The following MAFK variants were observed in gnomAD, a reference collection of about 807,000 sequenced individuals.
The protein encoded by MAFK is transcription factor MafK.
In MAFK, 1 loss-of-function variant was observed where a neutral mutation model predicts 9.2. That is an observed-to-expected ratio of 0.11 (90% CI 0.04 to 0.52). The LOEUF is 0.52. MAFK is among the 20% of genes least tolerant of loss of function. The pLI is 0.94. For synonymous variants in MAFK, 110 were observed against 107.4 expected, an observed-to-expected ratio of 1.02 and a Z score of -0.15; for missense variants, 207 against 236.0, an observed-to-expected ratio of 0.88 and a Z score of 0.81.
At chr7:1,538,369 A>G (rs1784089157) in intron 1 of MAFK, 1 of 984,306 alleles carries the variant, frequency 1.0e-6, no homozygotes, top group Middle Eastern at 5.2e-4. Flanking sequence ...CCCCTCAGGA[A>G]CCCCACACCC....
intron 2 of MAFK, among the ~76,000 whole-genome samples, 188 bp downstream of exon 2, chr7:1,539,416 T>G (rs1036287063): frequency 1.7e-4 from 26 of 152,122 alleles, no homozygotes; most frequent in African/African-American, 6.0e-4. Context: ...GGGACTGTGG[T>G]TCCAGGCGAT....
rs935314452 is a variant in MAFK at position 1,540,790 on chromosome 7, G to T, written c.*415G>T. 7.2e-5 allele frequency: 13 copies of T among 180,022 alleles called. No individual in the cohort carries two copies. The highest frequency in any genetic ancestry group is 2.3e-5 in the Non-Finnish European group (2 of 87,026). 11.2% of individuals were successfully genotyped at this position (180,022 alleles called of 1,614,324 possible). On this transcript the variant is annotated 3_prime_UTR_variant, in exon 3 of 3. Transcript: ENST00000343242. ...GGCTTGTTTTCCACTCCTGCTGTAAGCAGCCTTCGACACCTGTCCTGCCAC... is the reference window on the plus strand; with the variant it reads ...GGCTTGTTTTCCACTCCTGCTGTAATCAGCCTTCGACACCTGTCCTGCCAC...
chr7:1,538,407 G>T (rs1367604871), intron 1 of MAFK: 48 of 985,378 alleles, frequency 4.9e-5, no homozygotes, highest in Non-Finnish European at 5.7e-5. Flanking sequence ...CTCGCTCGGG[G>T]GCAGCTTAGG....
In MAFK at chr7:1,540,723, A is replaced by G. The variant is rs1415171473; in HGVS notation, c.*348A>G. ...TCCTCTGTGGGGGCTGCCGGAAGACACGGCCCCAGGAGTCAGGCCCCTGTG... is the reference window on the plus strand; with the variant it reads ...TCCTCTGTGGGGGCTGCCGGAAGACGCGGCCCCAGGAGTCAGGCCCCTGTG... On this transcript the variant is annotated 3_prime_UTR_variant, in exon 3 of 3. Coordinates refer to ENST00000343242, the MANE Select transcript of MAFK (RefSeq NM_002360.4). The G allele has an allele frequency of 3.6e-6, 1 of 279,944 alleles. No homozygotes were observed. The highest frequency in any genetic ancestry group is 2.3e-5 in the African/African-American group (1 of 43,956). 17.3% of individuals were successfully genotyped at this position (279,944 alleles called of 1,614,324 possible). A position where few individuals can be genotyped will look rare whatever the true frequency, so the allele number is the denominator to read the frequency against.
chr7:1,540,681 C>T lies in MAFK; in HGVS notation c.*306C>T, dbSNP rs1001266863. 28 of 380,752 alleles carry T rather than the reference C, an allele frequency of 7.4e-5. No homozygotes were observed. Among genetic ancestry groups the T allele is most frequent in the Non-Finnish European group, 9.5e-6 (2 of 210,420 alleles). 23.6% of individuals were successfully genotyped at this position (380,752 alleles called of 1,614,324 possible). A position where few individuals can be genotyped will look rare whatever the true frequency, so the allele number is the denominator to read the frequency against. On this transcript the variant is annotated 3_prime_UTR_variant, in exon 3 of 3. Transcript: ENST00000343242. Reference sequence around the variant, plus strand: ...GAGTCGGGACATATAATGGAAAGGCCCTCGGGAAGTTCCGCGTCCTCTGTG... The same window carrying T: ...GAGTCGGGACATATAATGGAAAGGCTCTCGGGAAGTTCCGCGTCCTCTGTG...
intron 1 of MAFK, among the ~76,000 whole-genome samples, chr7:1,536,874 CAG>C (rs1463276222): frequency 1.3e-5 from 2 of 152,330 alleles, no homozygotes; most frequent in Non-Finnish European, 2.9e-5. Flanking sequence ...CTCGGCAGAG[CAG>C]AGTCGTGACC....
At chr7:1,531,035 C>T (rs2128550393) in intron 1 of MAFK, 137 bp downstream of exon 1, 1 of 147,310 alleles carries the variant, frequency 6.8e-6, no homozygotes, top group African/African-American at 2.4e-5. Context: ...TGCGCGGGGC[C>T]CGAGACCCTC....
chr7:1,537,112 A>G (rs944948604), intron 1 of MAFK, among the ~76,000 whole-genome samples: 6 of 152,344 alleles, frequency 3.9e-5, no homozygotes, highest in Admixed American at 3.3e-4. Flanking sequence ...GTGCCTCCGC[A>G]GTGTCACAGG....
chr7:1,533,951 AG>A, intron 1 of MAFK: 1 of 287,606 alleles, frequency 3.5e-6, no homozygotes. Flanking sequence ...CGGGGACTGG[AG>A]GGGGTGTGGT....
rs1402358097 is a variant in MAFK at position 1,534,712 on chromosome 7, G to A, written c.-45+3814G>A. On this transcript the variant is annotated intron_variant, in intron 1 of 2. Transcript: ENST00000343242. The surrounding 1 kb of genome is among the most constrained non-coding windows in gnomAD (Gnocchi z 4.3). ...GTCTGTGTCATCATTCACCCCTTGG[G>A]CAAGAACAAGTGACCCATCCAGAGC... is the stretch of plus-strand genomic sequence containing the variant. 1 of 450,232 alleles carries A rather than the reference G, an allele frequency of 2.2e-6. No homozygotes were observed. 27.9% of individuals were successfully genotyped at this position (450,232 alleles called of 1,614,324 possible). A position where few individuals can be genotyped will look rare whatever the true frequency, so the allele number is the denominator to read the frequency against.
chr7:1,536,512 G>A (rs1173699323), intron 1 of MAFK, among the ~76,000 whole-genome samples: 1 of 152,184 alleles, frequency 6.6e-6, no homozygotes, highest in Admixed American at 6.5e-5. Flanking sequence ...GCCCTGGGGT[G>A]GGAGCGCTTT....
rs1340152577 is a variant in MAFK at position 1,532,708 on chromosome 7, G to A, written c.-45+1810G>A. On this transcript the variant is annotated intron_variant, in intron 1 of 2. Transcript: ENST00000343242. The surrounding 1 kb of genome is among the most constrained non-coding windows in gnomAD (Gnocchi z 4.5). Reference sequence around the variant, plus strand: ...CTACAAGGCGTGTGCTTTCACCCACGGGGCTCAGCGATGGCTGCGTTTGTT... The same window carrying A: ...CTACAAGGCGTGTGCTTTCACCCACAGGGCTCAGCGATGGCTGCGTTTGTT... Among the ~76,000 whole-genome samples, 1 of 152,218 alleles carries A rather than the reference G, an allele frequency of 6.6e-6. No homozygotes were observed. The highest frequency in any genetic ancestry group is 1.9e-4 in the East Asian group (1 of 5,194).
chr7:1,536,274 G>A (rs1370508657), intron 1 of MAFK, among the ~76,000 whole-genome samples: 2 of 152,174 alleles, frequency 1.3e-5, no homozygotes, highest in African/African-American at 2.4e-5. Context: ...AGAGGAGCTC[G>A]GGGTGTCGGG....
chr7:1,537,715 T>G (rs1583200445), intron 1 of MAFK: 1 of 985,084 alleles, frequency 1.0e-6, no homozygotes, highest in East Asian at 1.1e-4. Context: ...GGCCCTCTTG[T>G]TGTGGGGGTT....
At chr7:1,536,202 C>T (rs559664080) in intron 1 of MAFK, among the ~76,000 whole-genome samples, 3 of 152,318 alleles carry the variant, frequency 2.0e-5, no homozygotes, top group South Asian at 2.1e-4. Flanking sequence ...AACTCAGACC[C>T]GCCCACCCAG....
At position 1,532,971 on chromosome 7, in the gene MAFK, G is replaced by A. The variant is rs920465930; in HGVS notation, c.-45+2073G>A. Reference sequence around the variant, plus strand: ...TCCCTGCTCTCCGCGAATGGAAGATGCCTTTCCCCGCTATTTATTTTTGCT... The same window carrying A: ...TCCCTGCTCTCCGCGAATGGAAGATACCTTTCCCCGCTATTTATTTTTGCT... On this transcript the variant is annotated intron_variant, in intron 1 of 2. Transcript: ENST00000343242. The surrounding 1 kb of genome is among the most constrained non-coding windows in gnomAD (Gnocchi z 4.5). 2.6e-5 allele frequency among the ~76,000 whole-genome samples: 4 copies of A among 152,188 alleles called. No homozygotes were observed. Among genetic ancestry groups the A allele is most frequent in the African/African-American group, 4.8e-5 (2 of 41,440 alleles).
chr7:1,531,490 G>A (rs1054741648), intron 1 of MAFK, among the ~76,000 whole-genome samples: 5 of 152,170 alleles, frequency 3.3e-5, no homozygotes, highest in African/African-American at 9.6e-5. Context: ...GACTGGTGTC[G>A]CTCTCAGCCG....
At position 1,540,199 on chromosome 7, in the gene MAFK, A is replaced by G; in HGVS notation, c.295A>G (p.Ser99Gly). ...EVEKLARENS[S>G]MRLELDALRS... Reference sequence around the variant, plus strand: ...GGAGAAGCTGGCGCGTGAGAACAGCAGCATGCGGCTGGAGCTGGACGCCCT... The same window carrying G: ...GGAGAAGCTGGCGCGTGAGAACAGCGGCATGCGGCTGGAGCTGGACGCCCT... The change falls in exon 3 of 3, where the codon AGC becomes GGC. Residue 99 changes from serine (S) to glycine (G), a missense_variant. Coordinates refer to ENST00000343242, the MANE Select transcript of MAFK (RefSeq NM_002360.4). 1 of 1,589,896 alleles carries G rather than the reference A, an allele frequency of 6.3e-7. No homozygotes were observed. Among genetic ancestry groups the G allele is most frequent in the Non-Finnish European group, 8.6e-7 (1 of 1,169,178 alleles).
chr7:1,535,085 C>CTTTTTTTTTTTTTTTTTTTT (rs59057812), intron 1 of MAFK, among the ~76,000 whole-genome samples: 1 of 111,940 alleles, frequency 8.9e-6, no homozygotes, highest in Non-Finnish European at 1.7e-5. Context: ...ATTTAAAATT[C>CTTTTTTTTTTTTTTTTTTTT]TTTTTTTTTT....
Sources: allele counts gnomAD v4.1 joint callset (sites outside exome capture counted in the v4.1 genomes callset), GRCh38; gene constraint gnomAD v4.1.1; non-coding constraint Gnocchi (gnomAD v3.1); transcripts MANE v1.5; gene names NCBI Gene and HGNC (gene_info 2026-07-23, HGNC 2026-07-21).